Variants in KCNQ1 observed in about 807,000 individuals in gnomAD.
KCNQ1 encodes potassium voltage-gated channel subfamily Q member 1, also known as potassium voltage-gated channel subfamily KQT member 1.
KCNQ1 carries 49 observed loss-of-function variants against 72.4 expected under a neutral mutation model. That is an observed-to-expected ratio of 0.68 (90% confidence interval 0.54 to 0.86). The LOEUF (loss-of-function observed/expected upper bound fraction) is 0.86, where lower values mean the gene tolerates loss of function less well. Ranked by LOEUF, KCNQ1 falls within the 40% of genes least tolerant of loss-of-function variation. The probability of loss-of-function intolerance (pLI) is 0.00; values close to 1 mark genes in which losing one functional copy is unlikely to be tolerated. For missense variants in KCNQ1, 790 were observed against 945.1 expected (o/e 0.84, Z 2.15); for synonymous variants, 450 against 412.6 (o/e 1.09, Z -1.10).
chr11:2,789,150 A>G (rs149373), intron 15 of KCNQ1, among the ~76,000 whole-genome samples: 19,039 of 152,100 alleles, frequency 0.13, 1,302 homozygotes, highest in Non-Finnish European at 0.16. Flanking sequence ...CCTTCTTTGG[A>G]AAGACAGTGG....
Position 2,563,280 on chromosome 11 carries a change from C to G in KCNQ1, c.478-7348C>G, listed in dbSNP as rs1002495168. ...CGACCTTCAGCCTTCTCGGAGAACA[C>G]CGGTTCCACGGCCGGTTGCAACACG... On this transcript the variant is annotated intron_variant, in intron 2 of 15. Transcript: ENST00000155840. The surrounding 1 kb of genome is among the most constrained non-coding windows in gnomAD (Gnocchi z 7.4). 6.6e-6 allele frequency among the ~76,000 whole-genome samples: 1 copy of G among 152,338 alleles called. No individual in the cohort carries two copies. The highest frequency in any genetic ancestry group is 2.1e-4 in the South Asian group (1 of 4,828).
chr11:2,672,623 G>A, intron 11 of KCNQ1: 1 of 398,700 alleles, frequency 2.5e-6, no homozygotes, highest in Non-Finnish European at 4.4e-6. Context: ...GGTGATGGAA[G>A]GACTCTGGGT....
chr11:2,768,708 C>T lies in KCNQ1; in HGVS notation c.1515-136C>T. ...ACACTGGGACATGGCCTAAGTATCT[C>T]CATCCCATGGAGTTGAACACTCTCC... On this transcript the variant is annotated intron_variant, in intron 11 of 15. Transcript: ENST00000155840. This position sits in a 1 kb window ranked among gnomAD's most constrained non-coding sequence, Gnocchi z 6.7. The T allele has an allele frequency of 1.3e-6, 1 of 749,956 alleles. No homozygotes were observed. The highest frequency in any genetic ancestry group is 2.4e-6 in the Non-Finnish European group (1 of 414,932). 46.5% of individuals were successfully genotyped at this position (749,956 alleles called of 1,614,324 possible).
chr11:2,613,175 C>T lies in KCNQ1; in HGVS notation c.1393+24321C>T, dbSNP rs1459884512. On this transcript the variant is annotated intron_variant, in intron 10 of 15. Coordinates refer to ENST00000155840, the MANE Select transcript of KCNQ1 (RefSeq NM_000218.3). The surrounding 1 kb of genome is among the most constrained non-coding windows in gnomAD (Gnocchi z 4.8). ...TGTGTGGGTTGGGACATTCAAAGTT[C>T]AGGCACTTTATAACTCTGTCCTGTA... 2 of 398,418 alleles carry T rather than the reference C, an allele frequency of 5.0e-6. No individual in the cohort carries two copies. 24.7% of individuals were successfully genotyped at this position (398,418 alleles called of 1,614,324 possible). A position where few individuals can be genotyped will look rare whatever the true frequency, so the allele number is the denominator to read the frequency against.
chr11:2,528,825 CTG>C (rs1267676043), intron 2 of KCNQ1, among the ~76,000 whole-genome samples: 1 of 152,268 alleles, frequency 6.6e-6, no homozygotes, highest in Non-Finnish European at 1.5e-5. Context: ...CTTTCTGGCA[CTG>C]TGTCTTCCTG....
At chr11:2,584,589 G>A (rs369346884) in intron 7 of KCNQ1, among the ~76,000 whole-genome samples, 17 of 151,768 alleles carry the variant, frequency 1.1e-4, no homozygotes, top group East Asian at 9.7e-4. Flanking sequence ...GTGTGTGTTT[G>A]TGGGTTAGTG....
In KCNQ1 at chr11:2,673,172, G is replaced by A. The variant is rs189011741; in HGVS notation, c.1514+11091G>A. On this transcript the variant is annotated intron_variant, in intron 11 of 15. Coordinates refer to ENST00000155840, the MANE Select transcript of KCNQ1 (RefSeq NM_000218.3). This position sits in a 1 kb window ranked among gnomAD's most constrained non-coding sequence, Gnocchi z 4.5. ...CTGACCCAAGCACGAGGATCAGAAT[G>A]GGCCCTGGAGCCAAGGCCAAAAGCC... The A allele has an allele frequency of 7.0e-5, 28 of 398,722 alleles. 2 individuals carry two copies. The highest frequency in any genetic ancestry group is 4.3e-4 in the African/African-American group (21 of 48,760). 24.7% of individuals were successfully genotyped at this position (398,722 alleles called of 1,614,324 possible).
rs937881633 is a variant in KCNQ1 at position 2,491,024 on chromosome 11, G to A, written c.387-36904G>A. ...CCTGGCCCCAAGGCAGTATTTTTATGAGTCTGCAAGAACCACAGTGTTACT... is the reference window on the plus strand; with the variant it reads ...CCTGGCCCCAAGGCAGTATTTTTATAAGTCTGCAAGAACCACAGTGTTACT... On this transcript the variant is annotated intron_variant, in intron 1 of 15. Transcript: ENST00000155840. This position sits in a 1 kb window ranked among gnomAD's most constrained non-coding sequence, Gnocchi z 4.1. Among the ~76,000 whole-genome samples the A allele has an allele frequency of 6.6e-6, 1 of 152,162 alleles. No homozygotes were observed. The highest frequency in any genetic ancestry group is 1.5e-5 in the Non-Finnish European group (1 of 68,026).
At chr11:2,666,209 A>G in intron 11 of KCNQ1, 3 of 398,576 alleles carry the variant, frequency 7.5e-6, no homozygotes, top group Non-Finnish European at 8.8e-6. Context: ...CTCCAGAGGG[A>G]CACTCAGGGA....
intron 10 of KCNQ1, chr11:2,625,612 T>A (rs1849249842): frequency 7.6e-6 from 3 of 396,774 alleles, no homozygotes; most frequent in Non-Finnish European, 1.3e-5. Context: ...AGTCTCACTC[T>A]GTTGCCCAAG....
Position 2,715,448 on chromosome 11 carries a change from G to A in KCNQ1, c.1514+53367G>A, listed in dbSNP as rs1202014693. On this transcript the variant is annotated intron_variant, in intron 11 of 15. Transcript: ENST00000155840. The surrounding 1 kb of genome is among the most constrained non-coding windows in gnomAD (Gnocchi z 4.9). ...AGTGTGGGAATGGGGGGAGGCCAGGGAGGACCCCCTGCAGCCTGGCTCAGG... is the reference window on the plus strand; with the variant it reads ...AGTGTGGGAATGGGGGGAGGCCAGGAAGGACCCCCTGCAGCCTGGCTCAGG... 6.6e-6 allele frequency among the ~76,000 whole-genome samples: 1 copy of A among 152,090 alleles called. No homozygotes were observed. The highest frequency in any genetic ancestry group is 1.5e-5 in the Non-Finnish European group (1 of 67,986).
At chr11:2,835,968 G>T (rs1438942221) in intron 15 of KCNQ1, among the ~76,000 whole-genome samples, 2 of 152,094 alleles carry the variant, frequency 1.3e-5, no homozygotes, top group East Asian at 3.9e-4. Context: ...GGTCCCAGGG[G>T]TCGGGGACAG....
intron 2 of KCNQ1, among the ~76,000 whole-genome samples, chr11:2,533,028 C>T (rs1469777356): frequency 6.6e-6 from 1 of 152,172 alleles, no homozygotes; most frequent in Admixed American, 6.5e-5. Context: ...CGCGGGGAGC[C>T]CAAACCACAG....
chr11:2,561,212 A>AAAAGAAAG (rs1554891924), intron 2 of KCNQ1, among the ~76,000 whole-genome samples: 1 of 150,878 alleles, frequency 6.6e-6, no homozygotes, highest in Non-Finnish European at 1.5e-5. Context: ...AAAAAAAAAA[A>AAAAGAAAG]AAAGAAAAAA....
intron 7 of KCNQ1, among the ~76,000 whole-genome samples, chr11:2,584,995 G>T (rs778060408): frequency 2.6e-5 from 4 of 152,218 alleles, no homozygotes; most frequent in Non-Finnish European, 4.4e-5. Context: ...CCTGCCCCAT[G>T]GGACTGGGCC....
At chr11:2,648,716 C>G (rs1027179528) in intron 10 of KCNQ1, 5 of 398,462 alleles carry the variant, frequency 1.3e-5, no homozygotes, top group Non-Finnish European at 2.2e-5. Context: ...GGAGAATGTG[C>G]TGTGTGCTAA....
At position 2,570,634 on chromosome 11, in the gene KCNQ1, G is replaced by A. The variant is rs199472692; in HGVS notation, c.484G>A (p.Val162Met). 33 of 1,612,472 alleles carry A rather than the reference G, an allele frequency of 2.0e-5. No individual in the cohort carries two copies. The highest frequency in any genetic ancestry group is 2.5e-5 in the Non-Finnish European group (30 of 1,179,986). ...TCCCACTCTGTCCCTGCAGGAGATC[G>A]TGCTGGTGGTGTTCTTCGGGACGGA... Reference protein sequence around the residue: ...ATGTLFWMEIVLVVFFGTEYV... With the variant: ...ATGTLFWMEIMLVVFFGTEYV... Residue 162 changes from valine to methionine, a missense_variant, in exon 3 of 16, where the codon GTG becomes ATG. By Grantham distance (21) the Val-to-Met change is conservative (BLOSUM62 1). Around this residue, in one of 5 missense-constraint regions of KCNQ1, gnomAD observed 294 missense variants for 323.3 expected, o/e 0.91. Transcript: ENST00000155840.
intron 15 of KCNQ1, among the ~76,000 whole-genome samples, chr11:2,798,434 G>A (rs1007056830): frequency 6.6e-6 from 1 of 152,138 alleles, no homozygotes; most frequent in African/African-American, 2.4e-5. Context: ...TCAGCCGTCT[G>A]GGGGGCCTCC....
chr11:2,777,802 G>A (rs781248770), intron 14 of KCNQ1, 174 bp from the exon 15 acceptor site: 26 of 654,822 alleles, frequency 4.0e-5, no homozygotes, highest in South Asian at 2.3e-4. Context: ...CCCGGCCACC[G>A]TACCACCCCT....
Sources: gnomAD v4.1 joint callset for allele counts (sites outside exome capture counted in the v4.1 genomes callset) on GRCh38, gnomAD v4.1.1 for gene constraint, gnomAD v4.1.1 regional missense constraint, Gnocchi (gnomAD v3.1) non-coding constraint, MANE v1.5 for transcripts, NCBI Gene and HGNC (gene_info 2026-07-23, HGNC 2026-07-21) for gene names.